LRP4: variants seen among roughly 807,000 people sequenced by gnomAD.
The protein encoded by LRP4 is low-density lipoprotein receptor-related protein 4.
In LRP4, 95 loss-of-function variants were observed where a neutral mutation model predicts 220.3. The ratio of observed to expected loss-of-function variants is 0.43; its 90% CI spans 0.37 to 0.51. The LOEUF (loss-of-function observed/expected upper bound fraction) is 0.51, where lower values mean the gene tolerates loss of function less well. Ranked by LOEUF, LRP4 falls within the 20% of genes least tolerant of loss-of-function variation. The probability of loss-of-function intolerance (pLI) is 0.00; values close to 1 mark genes in which losing one functional copy is unlikely to be tolerated. For missense variants in LRP4, 1,925 were observed against 2,567.0 expected (o/e 0.75, Z 5.40); for synonymous variants, 903 against 954.6 (o/e 0.95, Z 1.00).
Position 46,875,994 on chromosome 11 carries a change from T to C in LRP4, c.3537-28A>G, listed in dbSNP as rs757768135. The C allele has an allele frequency of 6.2e-7, 1 of 1,606,086 alleles. No individual in the cohort carries two copies. The highest frequency in any genetic ancestry group is 1.1e-5 in the South Asian group (1 of 90,892). On this transcript the variant is annotated intron_variant, in intron 25 of 37. Coordinates refer to ENST00000378623, the MANE Select transcript of LRP4 (RefSeq NM_002334.4). This position sits in a 1 kb window ranked among gnomAD's most constrained non-coding sequence, Gnocchi z 4.5. Reference sequence around the variant, plus strand: ...GAGTGAGGAAGAATATTAGCTATATTAGCTAGTTATTCCAGCAGCTACCAC... The same window carrying C: ...GAGTGAGGAAGAATATTAGCTATATCAGCTAGTTATTCCAGCAGCTACCAC...
At chr11:46,887,223 C>G (rs1364532335) in intron 16 of LRP4, among the ~76,000 whole-genome samples, 1 of 152,206 alleles carries the variant, frequency 6.6e-6, no homozygotes, top group East Asian at 1.9e-4. Flanking sequence ...TGCCTTTCCT[C>G]TGGTCAGTCT....
At chr11:46,912,601 T>G (rs536620237) in intron 1 of LRP4, among the ~76,000 whole-genome samples, 1 of 152,342 alleles carries the variant, frequency 6.6e-6, no homozygotes, top group South Asian at 2.1e-4. Context: ...AAGCTGTCTC[T>G]TGTCCTCATC....
At chr11:46,866,408 A>G (rs1040506842) in intron 34 of LRP4, among the ~76,000 whole-genome samples, 3 of 151,714 alleles carry the variant, frequency 2.0e-5, no homozygotes, top group African/African-American at 7.3e-5. Context: ...CAGCCTCCCA[A>G]GTAGCTGGGA....
In LRP4 at chr11:46,875,090, G is replaced by A. The variant is rs779892727; in HGVS notation, c.3939C>T (p.Cys1313=). ...GGGAGCAGCCGCCATTTCTCGAGCC[G>A]CACTTGTTAAAACCTGGTGATGAGA... is the stretch of plus-strand genomic sequence containing the variant. ...DRAQPLGFNK[C]GSRNGGCSHL... is the part of the protein sequence containing the mutation. Residue 1313 remains cysteine (C), a synonymous_variant, in exon 28 of 38, where the codon TGC becomes TGT. Coordinates refer to ENST00000378623, the MANE Select transcript of LRP4 (RefSeq NM_002334.4). The surrounding 1 kb of genome is among the most constrained non-coding windows in gnomAD (Gnocchi z 4.5). The A allele has an allele frequency of 1.6e-5, 26 of 1,612,844 alleles. No homozygotes were observed. The highest frequency in any genetic ancestry group is 8.8e-5 in the South Asian group (8 of 91,054).
Position 46,896,256 on chromosome 11 carries a change from G to T in LRP4, c.1002C>A (p.Val334=), listed in dbSNP as rs759926123. 1.2e-6 allele frequency: 2 copies of T among 1,614,030 alleles called. No individual in the cohort carries two copies. The highest frequency in any genetic ancestry group is 1.7e-6 in the Non-Finnish European group (2 of 1,180,054). Residue 334 remains valine, a synonymous_variant, in exon 9 of 38, where the codon GTC becomes GTA. Transcript: ENST00000378623. ...CIGQRKLCNG[V]NDCGDNSDES... ...CGTCGCTGTTGTCACCACAGTCGTTGACCCCGTTGCACAGCTTCCTCTGCC... is the reference window on the plus strand; with the variant it reads ...CGTCGCTGTTGTCACCACAGTCGTTTACCCCGTTGCACAGCTTCCTCTGCC...
At position 46,889,425 on chromosome 11, in the gene LRP4, T is replaced by G. The variant is rs781117084; in HGVS notation, c.2201A>C (p.His734Pro). 6.2e-7 allele frequency: 1 copy of G among 1,613,990 alleles called. No homozygotes were observed. The highest frequency in any genetic ancestry group is 8.5e-7 in the Non-Finnish European group (1 of 1,180,038). ...GACCCACTTACTCTGGGCACAGGCG[T>G]GGCTGCTGATCTTGCGGAAGCCAGT... ...CPTGFRKISSHACAQSLDKFL... is the reference protein window; with the variant it reads ...CPTGFRKISSPACAQSLDKFL... The change falls in exon 16 of 38, where the codon CAC becomes CCC. Residue 734 changes from histidine (H) to proline (P), a missense_variant. This residue lies in a region of LRP4 where 1,244 missense variants were observed against 1,624.9 expected (regional missense o/e 0.77). Coordinates refer to ENST00000378623, the MANE Select transcript of LRP4 (RefSeq NM_002334.4).
In LRP4 at chr11:46,896,934, G is replaced by A; in HGVS notation, c.857C>T (p.Ser286Phe). 6.2e-7 allele frequency: 1 copy of A among 1,614,236 alleles called. No individual in the cohort carries two copies. The highest frequency in any genetic ancestry group is 8.5e-7 in the Non-Finnish European group (1 of 1,180,038). Residue 286 changes from serine (S) to phenylalanine (F), a missense_variant, in exon 8 of 38, where the codon TCC (serine) becomes TTC (phenylalanine). Coordinates refer to ENST00000378623, the MANE Select transcript of LRP4 (RefSeq NM_002334.4). ...RCHSGRCVRL[S>F]WRCDGEDDCA... The stretch of plus-strand genomic sequence containing the variant: ...GTCGTCCTCCCCATCACAGCGCCAG[G>A]ACAGGCGGACACAGCGGCCTGAGTG...
Position 46,892,974 on chromosome 11 carries a change from C to T in LRP4, c.1696G>A (p.Gly566Ser), listed in dbSNP as rs1941453950. 5 of 1,612,982 alleles carry T rather than the reference C, an allele frequency of 3.1e-6. No homozygotes were observed. Among genetic ancestry groups the T allele is most frequent in the Non-Finnish European group, 4.2e-6 (5 of 1,179,914 alleles). ...PRAIALHPME[G>S]TIYWTDWGNT... is the part of the protein sequence containing the mutation. ...TCGGGAGCCTGAGATACAACTTACC[C>T]CTCCATGGGATGCAAGGCAATGGCC... Residue 566 changes from glycine (G) to serine (S), a missense_variant and splice_region_variant, in exon 13 of 38, where the codon GGT (glycine) becomes AGT (serine). Physicochemically the swap from Gly to Ser is moderately conservative, Grantham distance 56. Transcript: ENST00000378623.
intron 1 of LRP4, among the ~76,000 whole-genome samples, chr11:46,908,478 T>C (rs1374785883): frequency 6.6e-6 from 1 of 152,214 alleles, no homozygotes; most frequent in Non-Finnish European, 1.5e-5. Context: ...AGTCTGTAGA[T>C]AGATTGCACA....
chr11:46,880,775 T>C (rs1941136808), intron 20 of LRP4, among the ~76,000 whole-genome samples: 1 of 151,762 alleles, frequency 6.6e-6, no homozygotes, highest in Non-Finnish European at 1.5e-5. Flanking sequence ...GCAAGGACTA[T>C]GATTAGACAG....
Position 46,902,853 on chromosome 11 carries a change from G to C in LRP4, c.129C>G (p.Thr43=), listed in dbSNP as rs61742974. 8.1e-3 allele frequency: 13,008 copies of C among 1,614,076 alleles called. 905 individuals are homozygous for C. In the African/African-American group the frequency reaches 0.15, roughly 19 times the overall value. The part of the protein sequence containing the change: ...TCAVSALGEC[T]CIPAQWQCDG... ...CACACTGCCACTGGGCAGGGATGCAGGTACACTCTCCAAGAGCACTCACTG... is the reference window on the plus strand; with the variant it reads ...CACACTGCCACTGGGCAGGGATGCACGTACACTCTCCAAGAGCACTCACTG... Residue 43 remains threonine, a synonymous_variant, in exon 2 of 38, where the codon ACC becomes ACG. Coordinates refer to ENST00000378623, the MANE Select transcript of LRP4 (RefSeq NM_002334.4).
Position 46,896,335 on chromosome 11 carries a change from C to T in LRP4, c.923G>A (p.Gly308Glu), listed in dbSNP as rs1269020664. The T allele has an allele frequency of 6.2e-7, 1 of 1,613,448 alleles. No homozygotes were observed. Among genetic ancestry groups the T allele is most frequent in the African/African-American group, 1.3e-5 (1 of 74,932 alleles). Residue 308 changes from glycine (G) to glutamate (E), a missense_variant and splice_region_variant, in exon 9 of 38, where the codon GGA becomes GAA. Physicochemically the swap from Gly to Glu is moderately conservative, Grantham distance 98 (BLOSUM62 -2). Transcript: ENST00000378623. ...CTGGTCCAAGGCACATTGGGGGCTTCCTAGAGAGATGGAGGGTCAGGTCAT... is the reference window on the plus strand; with the variant it reads ...CTGGTCCAAGGCACATTGGGGGCTTTCTAGAGAGATGGAGGGTCAGGTCAT... ...NSDEENCENT[G>E]SPQCALDQFL...
At position 46,881,845 on chromosome 11, in the gene LRP4, C is replaced by A. The variant is rs774924942; in HGVS notation, c.2671G>T (p.Ala891Ser). 3.1e-6 allele frequency: 5 copies of A among 1,614,214 alleles called. No individual in the cohort carries two copies. The Admixed American group carries it at 8.3e-5, about 27-fold the overall frequency. ...GAGATAATGACTTGGCGGCCTGAGG[C>A]ATCCATGCCAGCTCGTTCAATCTTG... ...SPKIERAGMD[A>S]SGRQVIISSN... The change falls in exon 20 of 38, where the codon GCC becomes TCC. Residue 891 changes from alanine to serine, a missense_variant. By Grantham distance (99) the Ala-to-Ser change is moderately conservative. Coordinates refer to ENST00000378623, the MANE Select transcript of LRP4 (RefSeq NM_002334.4).
intron 36 of LRP4, among the ~76,000 whole-genome samples, chr11:46,863,465 C>T (rs56331152): frequency 0.15 from 22,426 of 151,152 alleles, 2,505 homozygotes; most frequent in African/African-American, 0.32. Context: ...TGGCTGGGTG[C>T]GGTGGCTCAC....
intron 11 of LRP4, 151 bp from the exon 12 acceptor site, chr11:46,894,970 A>T: frequency 9.5e-7 from 1 of 1,048,320 alleles, no homozygotes; most frequent in Non-Finnish European, 1.4e-6. Flanking sequence ...GGCAACCTTT[A>T]AACTATATTC....
chr11:46,883,053 C>T (rs1020081565), intron 19 of LRP4, among the ~76,000 whole-genome samples: 3 of 152,156 alleles, frequency 2.0e-5, no homozygotes, highest in African/African-American at 7.2e-5. Context: ...GAACTGTTAA[C>T]TTATTGCTGG....
rs184555624 is a variant in LRP4 at position 46,890,271 on chromosome 11, G to A, written c.1915+6C>T. ...GAGATGAAGGAGACTGAAGGAAGGG[G>A]CTCACCCTGGCTAATGACAGCCTTA... On this transcript the variant is annotated splice_donor_region_variant and intron_variant, in intron 14 of 37. Coordinates refer to ENST00000378623, the MANE Select transcript of LRP4 (RefSeq NM_002334.4). This position sits in a 1 kb window ranked among gnomAD's most constrained non-coding sequence, Gnocchi z 5.3. 461 of 1,613,688 alleles carry A rather than the reference G, an allele frequency of 2.9e-4. 1 individual carries two copies. The African/African-American group carries it at 5.5e-3, about 19-fold the overall frequency.
rs1473275430 is a variant in LRP4, at chr11:46,898,654, C to A, written c.700G>T (p.Gly234Trp). 4 of 1,614,186 alleles carry A rather than the reference C, an allele frequency of 2.5e-6. No homozygotes were observed. Among genetic ancestry groups the A allele is most frequent in the Non-Finnish European group, 2.5e-6 (3 of 1,180,038 alleles). Residue 234 changes from glycine to tryptophan, a missense_variant, in exon 7 of 38, where the codon GGG becomes TGG. Physicochemically the swap from Gly to Trp is radical, Grantham distance 184. Transcript: ENST00000378623. ...DCSSHQPCRSGEFMCDSGLCI... is the reference protein window; with the variant it reads ...DCSSHQPCRSWEFMCDSGLCI... ...AGGCCACTGTCACACATGAACTCCCCAGAGCGGCAGGGCTGGTGGGAGGCT... is the reference window on the plus strand; with the variant it reads ...AGGCCACTGTCACACATGAACTCCCAAGAGCGGCAGGGCTGGTGGGAGGCT...
At chr11:46,889,794 G>A in intron 15 of LRP4, 150 bp downstream of exon 15, 1 of 915,740 alleles carries the variant, frequency 1.1e-6, no homozygotes, top group East Asian at 2.6e-5. Flanking sequence ...CGAATGTCCA[G>A]CAGAGGGAGG....
Sources: gnomAD v4.1 joint callset for allele counts (sites outside exome capture counted in the v4.1 genomes callset) on GRCh38, gnomAD v4.1.1 for gene constraint, gnomAD v4.1.1 regional missense constraint, Gnocchi (gnomAD v3.1) non-coding constraint, MANE v1.5 for transcripts, NCBI Gene and HGNC (gene_info 2026-07-23, HGNC 2026-07-21) for gene names.